SUGCT: variants seen among roughly 807,000 people sequenced by gnomAD.
The protein encoded by SUGCT is succinyl-CoA:glutarate CoA-transferase.
A neutral mutation model predicts 55.0 loss-of-function variants in SUGCT; 41 were observed. The observed-to-expected ratio is 0.74, with a 90% CI of 0.58 to 0.97. The LOEUF (loss-of-function observed/expected upper bound fraction) is 0.97. Among genes scored for constraint, SUGCT ranks in the 50% least tolerant of loss-of-function variants. The pLI is 0.00. For missense variants in SUGCT, 568 were observed against 547.8 expected, an observed-to-expected ratio of 1.04 and a Z score of -0.37; for synonymous variants, 187 against 200.4, an observed-to-expected ratio of 0.93 and a Z score of 0.56.
chr7:40,992,827 T>A, the SUGCT span, among the ~76,000 whole-genome samples: 1 of 152,112 alleles, frequency 6.6e-6, no homozygotes, highest in African/African-American at 2.4e-5. Context: ...CAAGAAAACA[T>A]ATCTATGAGC....
the SUGCT span, among the ~76,000 whole-genome samples, chr7:41,006,602 C>T: frequency 6.6e-5 from 10 of 152,308 alleles, no homozygotes; most frequent in East Asian, 1.2e-3. Flanking sequence ...AAATTAAGTA[C>T]TTTTGCAAAG....
chr7:40,642,533 G>A (rs191311050), intron 12 of SUGCT, among the ~76,000 whole-genome samples: 7 of 152,258 alleles, frequency 4.6e-5, no homozygotes, highest in Admixed American at 1.3e-4. Context: ...AGAACCTTAA[G>A]TAGAAGGCTG....
At chr7:40,527,182 G>A (rs879143313) in intron 12 of SUGCT, among the ~76,000 whole-genome samples, 3 of 152,102 alleles carry the variant, frequency 2.0e-5, no homozygotes, top group Admixed American at 6.5e-5. Context: ...TGCCAAAAAG[G>A]TTCTGTGTGA....
Position 40,489,383 on chromosome 7 carries a change from T to TA in SUGCT, c.987-6897dup, listed in dbSNP as rs774080372. On this transcript the variant is annotated intron_variant, in intron 11 of 13. Transcript: ENST00000335693. Reference sequence around the variant, plus strand: ...TTTCTTTAAGTTCACTGAGCTTCCTTAAAACTGCTATTTTGGGCCAGGCGT... The same window carrying TA: ...TTTCTTTAAGTTCACTGAGCTTCCTTAAAAACTGCTATTTTGGGCCAGGCGT... 1.1e-4 allele frequency among the ~76,000 whole-genome samples: 17 copies of TA among 152,288 alleles called. 1 individual carries two copies. The highest frequency in any genetic ancestry group is 3.4e-3 in the Middle Eastern group (1 of 294).
At chr7:40,260,033 A>G (rs372485104) in intron 7 of SUGCT, among the ~76,000 whole-genome samples, 3 of 152,212 alleles carry the variant, frequency 2.0e-5, no homozygotes, top group African/African-American at 7.2e-5. Flanking sequence ...TATTGACATT[A>G]GTGCTTGGGG....
chr7:40,237,128 C>T (rs1431144428), intron 6 of SUGCT, among the ~76,000 whole-genome samples: 3 of 151,300 alleles, frequency 2.0e-5, no homozygotes, highest in Admixed American at 6.6e-5. Context: ...CCACCGCACC[C>T]GGCCTGAGTT....
At chr7:40,531,964 G>A (rs888806336) in intron 12 of SUGCT, among the ~76,000 whole-genome samples, 34 of 152,118 alleles carry the variant, frequency 2.2e-4, no homozygotes, top group African/African-American at 9.7e-5. Context: ...GTGAGCCACC[G>A]CGCCCGGCCA....
At chr7:40,452,988 A>G (rs1789275048) in intron 10 of SUGCT, among the ~76,000 whole-genome samples, 1 of 152,206 alleles carries the variant, frequency 6.6e-6, no homozygotes, top group African/African-American at 2.4e-5. Flanking sequence ...TTTTCCCTCT[A>G]GTTATTCCTT....
At chr7:40,821,257 T>A (rs1349648255) in intron 13 of SUGCT, among the ~76,000 whole-genome samples, 1 of 152,224 alleles carries the variant, frequency 6.6e-6, no homozygotes, top group Non-Finnish European at 1.5e-5. Flanking sequence ...CAGGCTTTGG[T>A]ATCAGGATGA....
At chr7:40,931,498 TACCATCTCCTC>T in the SUGCT span, among the ~76,000 whole-genome samples, 1 of 152,216 alleles carries the variant, frequency 6.6e-6, no homozygotes, top group Non-Finnish European at 1.5e-5. Context: ...GAAGGAATGG[TACCATCTCCTC>T]TTTGTAGTTT....
At chr7:40,566,898 C>T (rs1796186423) in intron 12 of SUGCT, among the ~76,000 whole-genome samples, 1 of 152,044 alleles carries the variant, frequency 6.6e-6, no homozygotes. Context: ...AGGGATTTTC[C>T]TTCCTTTTTG....
the SUGCT span, among the ~76,000 whole-genome samples, chr7:40,928,767 T>C: frequency 2.0e-5 from 3 of 151,950 alleles, no homozygotes; most frequent in Admixed American, 6.6e-5. Context: ...GACCAGCTAA[T>C]TTTTGTATTT....
chr7:40,584,402 A>G (rs779359593), intron 12 of SUGCT, among the ~76,000 whole-genome samples: 42 of 152,238 alleles, frequency 2.8e-4, no homozygotes, highest in Non-Finnish European at 5.0e-4. Flanking sequence ...CAGAAAACAG[A>G]TACTCATATT....
chr7:40,602,287 G>A (rs1017921305), intron 12 of SUGCT, among the ~76,000 whole-genome samples: 2 of 152,162 alleles, frequency 1.3e-5, no homozygotes, highest in South Asian at 4.2e-4. Flanking sequence ...GAATGAAGGG[G>A]GATGAACCCA....
Position 40,496,463 on chromosome 7 carries a change from G to A in SUGCT, c.1089+77G>A, listed in dbSNP as rs975447176. 23 of 944,640 alleles carry A rather than the reference G, an allele frequency of 2.4e-5. No individual in the cohort carries two copies. The Admixed American group carries it at 3.2e-4, about 13-fold the overall frequency. The allele number at this position is 944,640 out of a possible 1,614,324, so 58.5% of individuals were successfully genotyped here. Reference sequence around the variant, plus strand: ...TATCAAGGTACCTTTGCCATTGATCGCAAGCTTAAGTCACATGATGTGAAT... The same window carrying A: ...TATCAAGGTACCTTTGCCATTGATCACAAGCTTAAGTCACATGATGTGAAT... On this transcript the variant is annotated intron_variant, in intron 12 of 13. Coordinates refer to ENST00000335693, the MANE Select transcript of SUGCT (RefSeq NM_001193313.2).
intron 12 of SUGCT, among the ~76,000 whole-genome samples, chr7:40,731,015 AC>A (rs1786862670): frequency 6.6e-6 from 1 of 152,230 alleles, no homozygotes; most frequent in South Asian, 2.1e-4. Context: ...TGACTGAAGG[AC>A]AAAAGTGGCA....
At chr7:40,886,699 A>G in the SUGCT span, among the ~76,000 whole-genome samples, 1 of 152,204 alleles carries the variant, frequency 6.6e-6, no homozygotes, top group Non-Finnish European at 1.5e-5. Context: ...CCTGCTAACT[A>G]GCCAACTCCC....
intron 1 of SUGCT, among the ~76,000 whole-genome samples, chr7:40,142,981 G>C (rs184039826): frequency 1.0e-3 from 154 of 152,290 alleles, no homozygotes; most frequent in African/African-American, 3.6e-3. Flanking sequence ...AAATTCTGTA[G>C]CTATTTGATT....
intron 1 of SUGCT, among the ~76,000 whole-genome samples, chr7:40,140,119 G>T (rs1430762787): frequency 1.3e-5 from 2 of 152,038 alleles, no homozygotes; most frequent in Admixed American, 6.6e-5. Flanking sequence ...GGTCAGGCTG[G>T]CCTCAAACTC....
Sources: allele counts gnomAD v4.1 joint callset (sites outside exome capture counted in the v4.1 genomes callset), GRCh38; gene constraint gnomAD v4.1.1; transcripts MANE v1.5; gene names NCBI Gene and HGNC (gene_info 2026-07-23, HGNC 2026-07-21).